PTPRG: variants seen among roughly 807,000 people sequenced by gnomAD.
PTPRG encodes protein tyrosine phosphatase receptor type G.
PTPRG carries 102 observed loss-of-function variants against 165.3 expected under a neutral mutation model. The ratio of observed to expected loss-of-function variants is 0.62; its 90% confidence interval spans 0.53 to 0.73. PTPRG has a LOEUF of 0.73. Ranked by LOEUF, PTPRG falls within the 30% of genes least tolerant of loss-of-function variation. PTPRG has a pLI of 0.00. For synonymous variants in PTPRG, 675 were observed against 669.5 expected, an observed-to-expected ratio of 1.01 and a Z score of -0.13; for missense variants, 1,866 against 1,861.4, an observed-to-expected ratio of 1.00 and a Z score of -0.05.
At chr3:62,005,485 C>T (rs963130178) in intron 4 of PTPRG, among the ~76,000 whole-genome samples, 2 of 151,932 alleles carry the variant, frequency 1.3e-5, no homozygotes, top group Non-Finnish European at 2.9e-5. Context: ...ATTGGGTTTC[C>T]GTTTGTTCAT....
At chr3:62,063,958 G>A (rs7630396) in intron 4 of PTPRG, among the ~76,000 whole-genome samples, 205 of 152,332 alleles carry the variant, frequency 1.3e-3, no homozygotes, top group African/African-American at 4.8e-3. Flanking sequence ...GGAGCTGTCT[G>A]TTGCTAGGGG....
At chr3:62,114,007 G>A (rs17632189) in intron 5 of PTPRG, among the ~76,000 whole-genome samples, 1 of 152,130 alleles carries the variant, frequency 6.6e-6, no homozygotes, top group Non-Finnish European at 1.5e-5. Flanking sequence ...AGTCTTAGAA[G>A]TGGCTTTCCG....
At position 61,887,155 on chromosome 3, in the gene PTPRG, TA is replaced by T. The variant is rs1559670204; in HGVS notation, c.191-102469del. ...ATATATATATATATATATATATATA[TA>T]TATATATATATATATTTTTAATGCC... On this transcript the variant is annotated intron_variant, in intron 2 of 29. Transcript: ENST00000474889. 1.0e-4 allele frequency among the ~76,000 whole-genome samples: 6 copies of T among 58,412 alleles called. 1 individual carries two copies. In the East Asian group the frequency reaches 1.5e-3, roughly 15 times the overall value. 38.3% of individuals were successfully genotyped at this position (58,412 alleles called of 152,430 possible). A position where few individuals can be genotyped will look rare whatever the true frequency, so the allele number is the denominator to read the frequency against.
At chr3:61,580,371 C>G (rs1363957369) in intron 1 of PTPRG, among the ~76,000 whole-genome samples, 3 of 151,244 alleles carry the variant, frequency 2.0e-5, no homozygotes, top group Non-Finnish European at 1.5e-5. Context: ...CAAGGGTCAA[C>G]TCTATTCTGA....
intron 17 of PTPRG, among the ~76,000 whole-genome samples, chr3:62,264,768 T>C (rs1376786285): frequency 6.6e-6 from 1 of 152,202 alleles, no homozygotes; most frequent in African/African-American, 2.4e-5. Context: ...TACAAGTCTT[T>C]ATGTAGACAG....
intron 2 of PTPRG, among the ~76,000 whole-genome samples, chr3:61,890,412 G>GTTGTTTT (rs2038177882): frequency 1.0e-5 from 1 of 95,440 alleles, no homozygotes; most frequent in African/African-American, 4.6e-5. Context: ...CTTGTTCTTT[G>GTTGTTTT]TTTTTTTTTT....
At chr3:61,978,098 C>G (rs1178318505) in intron 2 of PTPRG, among the ~76,000 whole-genome samples, 2 of 152,128 alleles carry the variant, frequency 1.3e-5, no homozygotes, top group East Asian at 1.9e-4. Flanking sequence ...GTGATCTGCC[C>G]GCCTCAGCCT....
intron 11 of PTPRG, among the ~76,000 whole-genome samples, chr3:62,202,395 G>T (rs1027417646): frequency 6.6e-6 from 1 of 152,164 alleles, no homozygotes; most frequent in East Asian, 1.9e-4. Context: ...GCAAAATGGG[G>T]TGATGATCAT....
At chr3:61,873,069 T>C (rs983223587) in intron 2 of PTPRG, among the ~76,000 whole-genome samples, 1 of 152,058 alleles carries the variant, frequency 6.6e-6, no homozygotes, top group Non-Finnish European at 1.5e-5. Context: ...AGTAAATTGG[T>C]AGAACCATTT....
At chr3:61,863,876 G>C (rs948753676) in intron 2 of PTPRG, among the ~76,000 whole-genome samples, 1 of 152,204 alleles carries the variant, frequency 6.6e-6, no homozygotes, top group Non-Finnish European at 1.5e-5. Flanking sequence ...GAATGACCTA[G>C]TATGAACGTC....
intron 4 of PTPRG, among the ~76,000 whole-genome samples, chr3:62,046,052 G>A (rs9840003): frequency 0.22 from 33,602 of 152,044 alleles, 4,013 homozygotes; most frequent in African/African-American, 0.27. Flanking sequence ...GTCGCACAAA[G>A]CACCATTCCC....
Position 62,233,844 on chromosome 3 carries a change from G to T in PTPRG, c.2375+2533G>T, listed in dbSNP as rs1380119664. On this transcript the variant is annotated intron_variant, in intron 14 of 29. Coordinates refer to ENST00000474889, the MANE Select transcript of PTPRG (RefSeq NM_002841.4). The surrounding 1 kb of genome is among the most constrained non-coding windows in gnomAD (Gnocchi z 4.7). Reference sequence around the variant, plus strand: ...AAAAAACATTGAAGATCAGACCCAAGTATTTAATTTTTTAATAAAGCTGAT... The same window carrying T: ...AAAAAACATTGAAGATCAGACCCAATTATTTAATTTTTTAATAAAGCTGAT... Among the ~76,000 whole-genome samples, 1 of 152,168 alleles carries T rather than the reference G, an allele frequency of 6.6e-6. No individual in the cohort carries two copies. The highest frequency in any genetic ancestry group is 6.5e-5 in the Admixed American group (1 of 15,272).
intron 2 of PTPRG, among the ~76,000 whole-genome samples, chr3:61,842,724 A>C (rs192064223): frequency 7.9e-5 from 12 of 151,266 alleles, no homozygotes; most frequent in Admixed American, 5.9e-4. Flanking sequence ...AAGCCAATGG[A>C]AAGTGGCAGA....
chr3:61,821,973 T>A (rs1300349423), intron 2 of PTPRG, among the ~76,000 whole-genome samples: 1 of 152,234 alleles, frequency 6.6e-6, no homozygotes, highest in Non-Finnish European at 1.5e-5. Context: ...TAACTGCCTC[T>A]CAAATGCATC....
chr3:61,994,556 T>C (rs555730807), intron 3 of PTPRG, among the ~76,000 whole-genome samples: 1 of 152,158 alleles, frequency 6.6e-6, no homozygotes, highest in Non-Finnish European at 1.5e-5. Flanking sequence ...TATGTATAGA[T>C]GGGGAAGTCA....
At chr3:61,906,183 G>T (rs889431209) in intron 2 of PTPRG, among the ~76,000 whole-genome samples, 11 of 151,794 alleles carry the variant, frequency 7.2e-5, no homozygotes, top group African/African-American at 2.7e-4. Context: ...GGCTGGGCTC[G>T]GTGGCTCATA....
At chr3:61,954,103 G>T (rs540451785) in intron 2 of PTPRG, among the ~76,000 whole-genome samples, 4 of 152,098 alleles carry the variant, frequency 2.6e-5, no homozygotes, top group African/African-American at 9.7e-5. Context: ...TAATTTTGAC[G>T]ATGCCCTGCT....
intron 2 of PTPRG, among the ~76,000 whole-genome samples, chr3:61,919,365 G>A (rs1198987319): frequency 6.6e-6 from 1 of 152,216 alleles, no homozygotes; most frequent in Non-Finnish European, 1.5e-5. Context: ...CACATGGTGA[G>A]TCTGTTTATT....
At chr3:62,272,918 G>A in intron 21 of PTPRG, 28 bp from the exon 22 acceptor site, 1 of 1,554,008 alleles carries the variant, frequency 6.4e-7, no homozygotes, top group Non-Finnish European at 8.7e-7. Flanking sequence ...AAACAAAAGT[G>A]CCAGTTGAGT....
Sources: gnomAD v4.1 joint callset for allele counts (sites outside exome capture counted in the v4.1 genomes callset) on GRCh38, gnomAD v4.1.1 for gene constraint, Gnocchi (gnomAD v3.1) non-coding constraint, MANE v1.5 for transcripts, NCBI Gene and HGNC (gene_info 2026-07-23, HGNC 2026-07-21) for gene names.